MTAP: variants seen among roughly 807,000 people sequenced by gnomAD.
MTAP encodes the protein methylthioadenosine phosphorylase, also known as S-methyl-5'-thioadenosine phosphorylase.
A neutral mutation model predicts 33.6 loss-of-function variants in MTAP; 33 were observed. The ratio of observed to expected loss-of-function variants is 0.98; its 90% CI spans 0.74 to 1.31. The LOEUF (loss-of-function observed/expected upper bound fraction) is 1.31. MTAP is among the 40% of genes most tolerant of loss of function. The probability of loss-of-function intolerance (pLI) is 0.00; values close to 1 mark genes in which losing one functional copy is unlikely to be tolerated. For missense variants in MTAP, 367 were observed against 360.0 expected (o/e 1.02, Z -0.16); for synonymous variants, 148 against 125.7 (o/e 1.18, Z -1.19).
intron 1 of MTAP, among the ~76,000 whole-genome samples, chr9:21,902,328 T>C (rs1379462999): frequency 6.6e-6 from 1 of 152,220 alleles, no homozygotes; most frequent in Non-Finnish European, 1.5e-5. Context: ...TAGCATTTAG[T>C]TCAGAGTCTT....
At chr9:21,835,419 T>G (rs1825081397) in intron 4 of MTAP, among the ~76,000 whole-genome samples, 1 of 152,154 alleles carries the variant, frequency 6.6e-6, no homozygotes, top group Admixed American at 6.5e-5. Context: ...TTTCCTGTGT[T>G]TTCTCCATGT....
rs74422264 is a variant in MTAP, at chr9:21,855,309, A to G, written c.690+439A>G. On this transcript the variant is annotated intron_variant, in intron 6 of 7. Transcript: ENST00000644715. ...CTCTGTTCAGCATAGAAATGTGACA[A>G]CAAACAGAGAAGTCCTTAAGGAGCC... is the stretch of plus-strand genomic sequence containing the variant. 6.2e-3 allele frequency among the ~76,000 whole-genome samples: 950 copies of G among 152,364 alleles called. 23 individuals carry two copies. Among genetic ancestry groups the G allele is most frequent in the East Asian group, 0.053 (276 of 5,186 alleles).
chr9:21,828,241 A>C (rs558678256), intron 4 of MTAP, among the ~76,000 whole-genome samples: 124 of 152,344 alleles, frequency 8.1e-4, no homozygotes, highest in Non-Finnish European at 1.5e-3. Context: ...CAAAGTCTCT[A>C]ATAAGTGCCT....
chr9:21,855,805 C>T (rs1176770081), intron 6 of MTAP, among the ~76,000 whole-genome samples: 4 of 152,140 alleles, frequency 2.6e-5, no homozygotes, highest in African/African-American at 7.2e-5. Flanking sequence ...CATGGCCAAT[C>T]TTGTGTGATA....
intron 1 of MTAP, among the ~76,000 whole-genome samples, chr9:21,917,432 A>C (rs2131027145): frequency 6.6e-6 from 1 of 152,354 alleles, no homozygotes; most frequent in East Asian, 1.9e-4. Flanking sequence ...AAAGAGAAGA[A>C]ATCAGCAAAG....
rs1193550994 is a variant in MTAP, at chr9:21,802,691, C to T, written c.-58C>T. 1.0e-5 allele frequency: 16 copies of T among 1,582,266 alleles called. No individual in the cohort carries two copies. Among genetic ancestry groups the T allele is most frequent in the Non-Finnish European group, 1.3e-5 (15 of 1,164,300 alleles). ...TTGGCACAGCCACCGCTCTGTGGCT[C>T]GCTTGGTTCCCTTAGTCCCGAGCGC... On this transcript the variant is annotated 5_prime_UTR_variant, in exon 1 of 8. Coordinates refer to ENST00000644715, the MANE Select transcript of MTAP (RefSeq NM_002451.4).
downstream of MTAP, among the ~76,000 whole-genome samples, chr9:21,938,251 G>T (rs1819073793): frequency 6.7e-6 from 1 of 149,982 alleles, no homozygotes; most frequent in Non-Finnish European, 1.5e-5. Context: ...TCCAGCCTCG[G>T]CAACAGAGCG....
intron 5 of MTAP, among the ~76,000 whole-genome samples, chr9:21,841,259 C>T (rs1825235806): frequency 6.6e-6 from 1 of 152,212 alleles, no homozygotes; most frequent in Non-Finnish European, 1.5e-5. Flanking sequence ...GCTTAGAGCC[C>T]CCTACTCCTT....
At chr9:21,893,873 A>G (rs920014780) in intron 1 of MTAP, 16 of 151,758 alleles carry the variant, frequency 1.1e-4, no homozygotes, top group Non-Finnish European at 1.9e-4. Context: ...AAAAAAAATC[A>G]AAGGAGGAGG....
At chr9:21,938,868 A>G (rs1285864221), downstream of MTAP, among the ~76,000 whole-genome samples, 1 of 152,184 alleles carries the variant, frequency 6.6e-6, no homozygotes, top group East Asian at 1.9e-4. Context: ...ACTGCATAAG[A>G]ATTTCCAGGA....
At chr9:21,825,978 T>A (rs1824787634) in intron 4 of MTAP, among the ~76,000 whole-genome samples, 1 of 152,248 alleles carries the variant, frequency 6.6e-6, no homozygotes, top group Non-Finnish European at 1.5e-5. Context: ...GCCTATTTTT[T>A]TAATCAGGTT....
chr9:21,915,668 C>A (rs1030526625), intron 1 of MTAP, among the ~76,000 whole-genome samples: 2 of 152,072 alleles, frequency 1.3e-5, no homozygotes, highest in Non-Finnish European at 2.9e-5. Flanking sequence ...GTGATATAAT[C>A]TGACTTGCAC....
chr9:21,862,317 G>A lies in MTAP; in HGVS notation c.*303G>A, dbSNP rs140440868. 16 of 361,528 alleles carry A rather than the reference G, an allele frequency of 4.4e-5. No homozygotes were observed. Among genetic ancestry groups the A allele is most frequent in the Admixed American group, 9.8e-5 (2 of 20,372 alleles). 22.4% of individuals were successfully genotyped at this position (361,528 alleles called of 1,614,324 possible). A position where few individuals can be genotyped will look rare whatever the true frequency, so the allele number is the denominator to read the frequency against. On this transcript the variant is annotated 3_prime_UTR_variant, in exon 8 of 8. Coordinates refer to ENST00000644715, the MANE Select transcript of MTAP (RefSeq NM_002451.4). The stretch of plus-strand genomic sequence containing the variant: ...CCTATTAAATTTGCAACAATAAAGG[G>A]TGGAGGGTAATCTCTACTTTCCTAT...
intron 1 of MTAP, among the ~76,000 whole-genome samples, chr9:21,872,210 G>A (rs1052342792): frequency 1.3e-5 from 2 of 152,186 alleles, no homozygotes; most frequent in Non-Finnish European, 2.9e-5. Flanking sequence ...CTACTCAGGA[G>A]GCTGAGCTTA....
chr9:21,819,293 C>A (rs893986775), intron 4 of MTAP, among the ~76,000 whole-genome samples: 3 of 152,144 alleles, frequency 2.0e-5, no homozygotes, highest in African/African-American at 7.2e-5. Context: ...CTCCCCACTC[C>A]CCCAACCCCA....
chr9:21,814,980 C>T (rs1366053173), intron 1 of MTAP, among the ~76,000 whole-genome samples: 1 of 152,118 alleles, frequency 6.6e-6, no homozygotes, highest in East Asian at 1.9e-4. Flanking sequence ...AAATCAATAC[C>T]AAATGGAATA....
At chr9:21,933,249 A>G (rs566307495), downstream of MTAP, 1 of 152,216 alleles carries the variant, frequency 6.6e-6, no homozygotes, top group African/African-American at 2.4e-5. Context: ...TTGCCAAAAT[A>G]TGCTATCTGG....
intron 1 of MTAP, among the ~76,000 whole-genome samples, chr9:21,918,054 A>G (rs779458550): frequency 6.6e-6 from 1 of 151,220 alleles, no homozygotes; most frequent in Non-Finnish European, 1.5e-5. Flanking sequence ...ATGCAAAGGC[A>G]TAAGAGTGAT....
At chr9:21,914,291 A>C (rs1003592344) in intron 1 of MTAP, among the ~76,000 whole-genome samples, 1 of 152,210 alleles carries the variant, frequency 6.6e-6, no homozygotes. Context: ...GTATATATCC[A>C]AAGGATTATA....
Sources: gnomAD v4.1 joint callset for allele counts (sites outside exome capture counted in the v4.1 genomes callset) on GRCh38, gnomAD v4.1.1 for gene constraint, MANE v1.5 for transcripts, NCBI Gene and HGNC (gene_info 2026-07-23, HGNC 2026-07-21) for gene names.